The following NTN4 variants were observed in gnomAD, a reference collection of about 807,000 sequenced individuals.
NTN4 encodes netrin-4.
In NTN4, 32 loss-of-function variants were observed where a neutral mutation model predicts 73.6. The ratio of observed to expected loss-of-function variants is 0.44; its 90% CI spans 0.33 to 0.58. NTN4 has a LOEUF of 0.58. Among genes scored for constraint, NTN4 ranks in the 20% least tolerant of loss-of-function variants. The pLI, the probability that NTN4 is intolerant of heterozygous loss-of-function variation, is 0.04. For synonymous variants in NTN4, 258 were observed against 287.5 expected (o/e 0.90, Z 1.04); for missense variants, 654 against 798.3 (o/e 0.82, Z 2.18).
intron 5 of NTN4, among the ~76,000 whole-genome samples, chr12:95,686,049 C>T (rs1194457718): frequency 6.6e-6 from 1 of 151,912 alleles, no homozygotes; most frequent in African/African-American, 2.4e-5. Context: ...GCACACCTGG[C>T]TAATTTGTAA....
chr12:95,671,334 C>T (rs2078228610), intron 7 of NTN4, among the ~76,000 whole-genome samples: 1 of 152,108 alleles, frequency 6.6e-6, no homozygotes, highest in South Asian at 2.1e-4. Flanking sequence ...GACCCCAAAC[C>T]CCTGGCCGTG....
At chr12:95,719,450 T>C (rs2078630552) in intron 3 of NTN4, among the ~76,000 whole-genome samples, 1 of 152,176 alleles carries the variant, frequency 6.6e-6, no homozygotes, top group African/African-American at 2.4e-5. Context: ...AACAATGCTA[T>C]ACAGCAATTG....
At chr12:95,714,277 A>G (rs1366804850) in intron 3 of NTN4, among the ~76,000 whole-genome samples, 1 of 152,226 alleles carries the variant, frequency 6.6e-6, no homozygotes, top group East Asian at 1.9e-4. Context: ...ATTTCAACCA[A>G]GATGCATTCC....
At chr12:95,767,904 A>G (rs573445672) in intron 2 of NTN4, among the ~76,000 whole-genome samples, 7 of 152,160 alleles carry the variant, frequency 4.6e-5, no homozygotes, top group Non-Finnish European at 8.8e-5. Context: ...TTGTTGAGAA[A>G]TCACACCGAC....
intron 3 of NTN4, among the ~76,000 whole-genome samples, chr12:95,735,756 G>A (rs2078770931): frequency 6.6e-6 from 1 of 151,994 alleles, no homozygotes; most frequent in Non-Finnish European, 1.5e-5. Flanking sequence ...ATTATCCATT[G>A]TTGAATTTGG....
At chr12:95,719,401 A>T (rs73375284) in intron 3 of NTN4, among the ~76,000 whole-genome samples, 1 of 152,190 alleles carries the variant, frequency 6.6e-6, no homozygotes, top group East Asian at 1.9e-4. Context: ...GCAGCAATTC[A>T]TGGACCTCTA....
intron 5 of NTN4, among the ~76,000 whole-genome samples, chr12:95,709,787 C>T (rs1242215847): frequency 6.6e-6 from 1 of 152,158 alleles, no homozygotes; most frequent in Non-Finnish European, 1.5e-5. Flanking sequence ...CCTGCCTTGG[C>T]CTCCCAAAGT....
intron 5 of NTN4, among the ~76,000 whole-genome samples, chr12:95,688,838 C>A (rs2078381785): frequency 6.6e-6 from 1 of 151,092 alleles, no homozygotes; most frequent in African/African-American, 2.4e-5. Flanking sequence ...TCAAACAGTG[C>A]AGAATGCTCA....
At chr12:95,726,539 A>T (rs1359729128) in intron 3 of NTN4, among the ~76,000 whole-genome samples, 3 of 152,198 alleles carry the variant, frequency 2.0e-5, no homozygotes. Context: ...AGTTGTCTCC[A>T]CTTTTTGGCT....
At chr12:95,723,202 T>C (rs760349495) in intron 3 of NTN4, among the ~76,000 whole-genome samples, 1 of 152,020 alleles carries the variant, frequency 6.6e-6, no homozygotes, top group African/African-American at 2.4e-5. Context: ...GGTTCAAATA[T>C]AGCATCTTTT....
intron 7 of NTN4, chr12:95,673,080 C>G (rs1325995752): frequency 7.0e-7 from 1 of 1,421,010 alleles, no homozygotes; most frequent in Non-Finnish European, 9.8e-7. Flanking sequence ...GGCCGGCGGG[C>G]GGACTACTGT....
chr12:95,742,898 G>T (rs930980464), intron 2 of NTN4, among the ~76,000 whole-genome samples: 29 of 152,212 alleles, frequency 1.9e-4, no homozygotes, highest in African/African-American at 7.0e-4. Context: ...GCCAAACAGG[G>T]TCTAGAGTTT....
At chr12:95,678,641 G>A (rs1354932892) in intron 7 of NTN4, among the ~76,000 whole-genome samples, 2 of 152,020 alleles carry the variant, frequency 1.3e-5, no homozygotes, top group Non-Finnish European at 2.9e-5. Context: ...AATGATGCAT[G>A]AGAACTACAC....
intron 7 of NTN4, among the ~76,000 whole-genome samples, chr12:95,682,020 G>T (rs2078319627): frequency 7.1e-6 from 1 of 140,444 alleles, no homozygotes. Context: ...TCCTTTCAAT[G>T]GATCTGTAAA....
intron 2 of NTN4, among the ~76,000 whole-genome samples, chr12:95,761,096 T>G (rs1023528431): frequency 3.9e-5 from 6 of 152,152 alleles, no homozygotes; most frequent in African/African-American, 1.4e-4. Context: ...TTTTTACCCC[T>G]GAAGTAAATG....
rs371426664 is a variant in NTN4 at position 95,686,070 on chromosome 12, T to C, written c.1181-2359A>G. Among the ~76,000 whole-genome samples, 6 of 152,114 alleles carry C rather than the reference T, an allele frequency of 3.9e-5. No homozygotes were observed. The South Asian group carries it at 8.3e-4, about 21-fold the overall frequency. ...CTGGCTAATTTGTAATTTGTTATTT[T>C]TTTATAGCGACAGGGTATCACTATG... On this transcript the variant is annotated intron_variant, in intron 5 of 9. Transcript: ENST00000343702.
At chr12:95,775,357 T>G (rs573392377) in intron 2 of NTN4, among the ~76,000 whole-genome samples, 13 of 152,282 alleles carry the variant, frequency 8.5e-5, no homozygotes, top group Middle Eastern at 6.8e-3. Flanking sequence ...TGCAGCGCAC[T>G]GAGCATGAGC....
chr12:95,688,596 G>A (rs1416544915), intron 5 of NTN4, among the ~76,000 whole-genome samples: 2 of 152,224 alleles, frequency 1.3e-5, no homozygotes, highest in Non-Finnish European at 1.5e-5. Context: ...CATAAATACA[G>A]TTTTGAGAGT....
intron 5 of NTN4, among the ~76,000 whole-genome samples, chr12:95,692,594 T>G (rs2078409652): frequency 6.6e-6 from 1 of 152,344 alleles, no homozygotes; most frequent in African/African-American, 2.4e-5. Context: ...GTGTAGGACT[T>G]TCTAGCAGGA....
Sources: allele counts gnomAD v4.1 joint callset (sites outside exome capture counted in the v4.1 genomes callset), GRCh38; gene constraint gnomAD v4.1.1; transcripts MANE v1.5; gene names NCBI Gene and HGNC (gene_info 2026-07-23, HGNC 2026-07-21).